ASIC2: variants seen among roughly 807,000 people sequenced by gnomAD.
ASIC2 encodes acid sensing ion channel subunit 2, also known as acid-sensing ion channel 2.
Under a neutral mutation model 57.3 loss-of-function variants are expected in ASIC2, and 25 were observed. That is an observed-to-expected ratio of 0.44 (90% CI 0.32 to 0.61). The LOEUF is 0.61. Among genes scored for constraint, ASIC2 ranks in the 20% least tolerant of loss-of-function variants. The pLI, the probability that ASIC2 is intolerant of heterozygous loss-of-function variation, is 0.06. For missense variants in ASIC2, 641 were observed against 738.1 expected, an observed-to-expected ratio of 0.87 and a Z score of 1.52; for synonymous variants, 319 against 307.5, an observed-to-expected ratio of 1.04 and a Z score of -0.39.
intron 1 of ASIC2, among the ~76,000 whole-genome samples, chr17:33,796,828 G>A (rs1034058013): frequency 2.0e-5 from 3 of 152,200 alleles, no homozygotes; most frequent in Non-Finnish European, 4.4e-5. Context: ...CTGAGCTCCA[G>A]GCTTGGCTCA....
chr17:33,466,352 A>T (rs1912862599), intron 1 of ASIC2, among the ~76,000 whole-genome samples: 1 of 152,196 alleles, frequency 6.6e-6, no homozygotes, highest in Admixed American at 6.5e-5. Context: ...GACACAAACA[A>T]ATGGAAGAAC....
At chr17:33,337,162 A>G (rs1907546311) in intron 1 of ASIC2, among the ~76,000 whole-genome samples, 1 of 152,118 alleles carries the variant, frequency 6.6e-6, no homozygotes, top group Non-Finnish European at 1.5e-5. Context: ...ACTGTGTGGG[A>G]GCACACTGGC....
At chr17:33,802,311 A>T (rs1025872203) in intron 1 of ASIC2, among the ~76,000 whole-genome samples, 2 of 152,208 alleles carry the variant, frequency 1.3e-5, no homozygotes, top group Admixed American at 6.5e-5. Context: ...GTGCGTAGTG[A>T]GCTGTACCAC....
At chr17:33,688,739 G>A (rs922010956) in intron 1 of ASIC2, 1 of 152,190 alleles carries the variant, frequency 6.6e-6, no homozygotes, top group Admixed American at 6.5e-5. Context: ...CATATGTACA[G>A]CATTCTATGT....
rs375029246 is a variant in ASIC2, at chr17:33,890,540, C to T, written c.555+265438G>A. ...CACACAAAGAGGAGGTGGCAGAGGC[C>T]CAGTGAAGGACTTGTCCACCTTCAC... On this transcript the variant is annotated intron_variant, in intron 1 of 9. Transcript: ENST00000359872. Among the ~76,000 whole-genome samples the T allele has an allele frequency of 6.6e-4, 100 of 152,226 alleles. No homozygotes were observed. The South Asian group carries it at 0.018, about 27-fold the overall frequency.
At chr17:33,895,711 CT>C (rs1488436229) in intron 1 of ASIC2, among the ~76,000 whole-genome samples, 1 of 152,174 alleles carries the variant, frequency 6.6e-6, no homozygotes, top group Non-Finnish European at 1.5e-5. Context: ...TGAGTTGATC[CT>C]GGTAGGGAAT....
chr17:33,405,009 T>C (rs149112040), intron 1 of ASIC2, among the ~76,000 whole-genome samples: 300 of 152,230 alleles, frequency 2.0e-3, no homozygotes, highest in African/African-American at 6.7e-3. Context: ...TTTTTTTTTT[T>C]TCTTTTTTGT....
intron 1 of ASIC2, among the ~76,000 whole-genome samples, chr17:33,670,403 G>C (rs2142050792): frequency 6.6e-6 from 1 of 152,204 alleles, no homozygotes; most frequent in Non-Finnish European, 1.5e-5. Flanking sequence ...GACCAAGAAT[G>C]TTTAAAATAA....
intron 1 of ASIC2, among the ~76,000 whole-genome samples, chr17:33,177,850 G>T (rs181105409): frequency 6.2e-4 from 94 of 152,298 alleles, no homozygotes; most frequent in South Asian, 3.5e-3. Context: ...GCCAGTCAGA[G>T]CCCTAGTCTC....
At chr17:33,974,648 A>ATC (rs1555576628) in intron 1 of ASIC2, among the ~76,000 whole-genome samples, 2 of 84,170 alleles carry the variant, frequency 2.4e-5, no homozygotes, top group African/African-American at 1.0e-4. Flanking sequence ...ATCCATCCAT[A>ATC]GAGCCCTGCC....
chr17:33,707,229 G>A (rs1200305661), intron 1 of ASIC2, among the ~76,000 whole-genome samples: 2 of 152,144 alleles, frequency 1.3e-5, no homozygotes, highest in East Asian at 3.9e-4. Flanking sequence ...TTTATTCATT[G>A]TGCTGGGCAT....
intron 1 of ASIC2, among the ~76,000 whole-genome samples, chr17:33,929,589 G>A (rs868032255): frequency 6.6e-6 from 1 of 152,152 alleles, no homozygotes; most frequent in African/African-American, 2.4e-5. Flanking sequence ...AGAAGATCCC[G>A]CTGCAGGGTC....
At chr17:33,801,302 C>A (rs531036841) in intron 1 of ASIC2, among the ~76,000 whole-genome samples, 1 of 152,122 alleles carries the variant, frequency 6.6e-6, no homozygotes, top group African/African-American at 2.4e-5. Flanking sequence ...CAGGAGAGCC[C>A]GCTGGGACTA....
At chr17:33,017,507 A>G (rs1598235038) in intron 8 of ASIC2, 98 bp downstream of exon 8, 10 of 967,894 alleles carry the variant, frequency 1.0e-5, no homozygotes, top group Non-Finnish European at 1.1e-5. Flanking sequence ...CTCTGCATGG[A>G]GAGAGGCACC....
chr17:33,037,758 G>C (rs3025241), intron 3 of ASIC2, among the ~76,000 whole-genome samples: 2,690 of 152,276 alleles, frequency 0.018, 70 homozygotes, highest in African/African-American at 0.061. Flanking sequence ...TGCAGGCACT[G>C]TGGTAGGTAG....
intron 1 of ASIC2, among the ~76,000 whole-genome samples, chr17:33,819,519 A>G (rs1263603585): frequency 6.6e-6 from 1 of 152,248 alleles, no homozygotes; most frequent in Non-Finnish European, 1.5e-5. Flanking sequence ...GATGTGGTCA[A>G]GGCCTGGGAT....
intron 1 of ASIC2, among the ~76,000 whole-genome samples, chr17:33,315,104 A>G (rs1420188990): frequency 6.6e-6 from 1 of 152,232 alleles, no homozygotes; most frequent in Non-Finnish European, 1.5e-5. Flanking sequence ...TCTGAGCTTC[A>G]GTCTTCTCAT....
At chr17:34,061,575 G>T (rs560254111) in intron 1 of ASIC2, among the ~76,000 whole-genome samples, 5 of 152,262 alleles carry the variant, frequency 3.3e-5, no homozygotes, top group Middle Eastern at 6.8e-3. Flanking sequence ...AAAAGATACA[G>T]AACCACAGAA....
intron 1 of ASIC2, among the ~76,000 whole-genome samples, chr17:33,636,640 G>T (rs1334351409): frequency 6.6e-6 from 1 of 152,170 alleles, no homozygotes; most frequent in Non-Finnish European, 1.5e-5. Context: ...CAGCTGAGAA[G>T]ATATTAACTG....
Sources: allele counts gnomAD v4.1 joint callset (sites outside exome capture counted in the v4.1 genomes callset), GRCh38; gene constraint gnomAD v4.1.1; transcripts MANE v1.5; gene names NCBI Gene and HGNC (gene_info 2026-07-23, HGNC 2026-07-21).